SIK3: variants seen among roughly 807,000 people sequenced by gnomAD.
SIK3 encodes SIK family kinase 3, also known as serine/threonine-protein kinase SIK3.
Under a neutral mutation model 144.2 loss-of-function variants are expected in SIK3, and 28 were observed. The ratio of observed to expected loss-of-function variants is 0.19; its 90% CI spans 0.14 to 0.27. SIK3 has a LOEUF of 0.27. SIK3 is among the 10% of genes least tolerant of loss of function. The pLI is 1.00. For missense variants in SIK3, 1,319 were observed against 1,776.0 expected (o/e 0.74, Z 4.62); for synonymous variants, 686 against 676.3 (o/e 1.01, Z -0.22).
chr11:117,060,863 G>C (rs1424367139), intron 1 of SIK3, among the ~76,000 whole-genome samples: 2 of 152,118 alleles, frequency 1.3e-5, no homozygotes, highest in South Asian at 2.1e-4. Flanking sequence ...GTTAATATCA[G>C]GGAAAATCGT....
intron 6 of SIK3, among the ~76,000 whole-genome samples, chr11:116,887,684 A>G (rs1325551980): frequency 6.6e-6 from 1 of 152,162 alleles, no homozygotes. Context: ...TTTTCATTCA[A>G]AAACACTTAC....
At chr11:117,003,559 A>G (rs1465580811) in intron 1 of SIK3, among the ~76,000 whole-genome samples, 2 of 152,050 alleles carry the variant, frequency 1.3e-5, no homozygotes, top group African/African-American at 2.4e-5. Flanking sequence ...GACGGGGCGG[A>G]GGCAGAAGGA....
chr11:116,858,496 T>G lies in SIK3; in HGVS notation c.2969A>C (p.Tyr990Ser), dbSNP rs1372148316. 9 of 1,610,572 alleles carry G rather than the reference T, an allele frequency of 5.6e-6. No individual in the cohort carries two copies. In the South Asian group the frequency reaches 7.7e-5, roughly 14 times the overall value. The change falls in exon 21 of 25, where the codon TAT becomes TCT. Residue 990 changes from tyrosine (Y) to serine (S), a missense_variant. Coordinates refer to ENST00000445177, the MANE Select transcript of SIK3 (RefSeq NM_001366686.3). The surrounding 1 kb of genome is among the most constrained non-coding windows in gnomAD (Gnocchi z 5.4). ...PPSAHQQPPH[Y>S]TTSALQQALL... ...GGCCTGCTGTAGTGCCGACGTGGTA[T>G]AGTGTGGCGGCTGCTGATGTGCACT...
intron 13 of SIK3, 67 bp downstream of exon 13, chr11:116,873,414 C>G (rs1482503654): frequency 2.5e-6 from 4 of 1,610,972 alleles, no homozygotes; most frequent in Non-Finnish European, 3.4e-6. Context: ...GGTTCCCAAC[C>G]CCAGGCTCAC....
At chr11:117,026,496 C>G (rs1952016213) in intron 1 of SIK3, among the ~76,000 whole-genome samples, 1 of 152,106 alleles carries the variant, frequency 6.6e-6, no homozygotes, top group Non-Finnish European at 1.5e-5. Context: ...CTGCTGTGTA[C>G]TATTGACATG....
At chr11:116,963,399 C>A (rs1949416533) in intron 1 of SIK3, among the ~76,000 whole-genome samples, 2 of 152,070 alleles carry the variant, frequency 1.3e-5, no homozygotes, top group South Asian at 4.1e-4. Flanking sequence ...GCTTAGAAAT[C>A]AAATTAAAAA....
chr11:117,034,384 A>G (rs1952400803), intron 1 of SIK3, among the ~76,000 whole-genome samples: 1 of 152,232 alleles, frequency 6.6e-6, no homozygotes, highest in Non-Finnish European at 1.5e-5. Flanking sequence ...AAGGACATGA[A>G]TGCTAAAGAT....
intron 4 of SIK3, among the ~76,000 whole-genome samples, chr11:116,909,992 T>G (rs1251949278): frequency 6.6e-6 from 1 of 152,196 alleles, no homozygotes; most frequent in Admixed American, 6.5e-5. Context: ...TTAAATATAA[T>G]TTTAAAGGAA....
intron 6 of SIK3, among the ~76,000 whole-genome samples, chr11:116,890,651 T>G (rs1945051699): frequency 1.3e-5 from 2 of 152,200 alleles, no homozygotes; most frequent in African/African-American, 4.8e-5. Flanking sequence ...AAGAGAAAGT[T>G]TAGAGACATG....
chr11:116,941,955 C>T (rs990233062), intron 3 of SIK3, among the ~76,000 whole-genome samples: 5 of 152,138 alleles, frequency 3.3e-5, no homozygotes, highest in Admixed American at 6.6e-5. Context: ...CATCACTGCT[C>T]CTTCATAATA....
chr11:117,031,144 G>A (rs1194004062), intron 1 of SIK3, among the ~76,000 whole-genome samples: 1 of 152,080 alleles, frequency 6.6e-6, no homozygotes, highest in Admixed American at 6.5e-5. Context: ...AGACCAAAAT[G>A]TTTTAGTTCT....
chr11:117,060,699 G>T (rs909273564), intron 1 of SIK3, among the ~76,000 whole-genome samples: 1 of 152,026 alleles, frequency 6.6e-6, no homozygotes, highest in Non-Finnish European at 1.5e-5. Context: ...TATTCTGTAT[G>T]ATACTGTAAT....
chr11:116,851,367 C>T (rs1942424021), intron 21 of SIK3, among the ~76,000 whole-genome samples: 1 of 152,102 alleles, frequency 6.6e-6, no homozygotes. Context: ...CTGTGCCATT[C>T]CAATGATCTA....
chr11:117,066,073 C>CT (rs5795060), intron 1 of SIK3, among the ~76,000 whole-genome samples: 4,647 of 140,576 alleles, frequency 0.033, 100 homozygotes, highest in Non-Finnish European at 0.038. Context: ...TTCTTTTCTT[C>CT]TTTTTTTTTT....
At chr11:117,024,036 C>T (rs975128842) in intron 1 of SIK3, among the ~76,000 whole-genome samples, 3 of 151,916 alleles carry the variant, frequency 2.0e-5, no homozygotes, top group Admixed American at 6.6e-5. Context: ...AAACTTTGTC[C>T]CAGACCACTG....
intron 1 of SIK3, among the ~76,000 whole-genome samples, chr11:117,020,888 G>A (rs1222700735): frequency 6.6e-6 from 1 of 152,178 alleles, no homozygotes; most frequent in African/African-American, 2.4e-5. Flanking sequence ...AGGGGATATT[G>A]GGAAACCAGT....
intron 1 of SIK3, among the ~76,000 whole-genome samples, chr11:117,071,009 G>A (rs149890631): frequency 2.2e-4 from 34 of 152,068 alleles, no homozygotes; most frequent in African/African-American, 7.7e-4. Flanking sequence ...GATTACAAGC[G>A]TGAGCCACTG....
chr11:117,051,821 G>A (rs992320406), intron 1 of SIK3, among the ~76,000 whole-genome samples: 3 of 151,664 alleles, frequency 2.0e-5, no homozygotes, highest in Non-Finnish European at 2.9e-5. Context: ...GAGCTACAAC[G>A]CCTGGCCTAT....
chr11:116,947,216 AATATATAATTATTTATATATTTT>A (rs1289686036), intron 3 of SIK3, among the ~76,000 whole-genome samples: 1 of 135,418 alleles, frequency 7.4e-6, no homozygotes, highest in Non-Finnish European at 1.5e-5. Context: ...ATTTATATAC[AATATATAATTATTTATATATTTT>A]ATATATAATT....
Sources: gnomAD v4.1 joint callset for allele counts (sites outside exome capture counted in the v4.1 genomes callset) on GRCh38, gnomAD v4.1.1 for gene constraint, Gnocchi (gnomAD v3.1) non-coding constraint, MANE v1.5 for transcripts, NCBI Gene and HGNC (gene_info 2026-07-23, HGNC 2026-07-21) for gene names.